The following KAZN variants were observed in gnomAD, a reference collection of about 807,000 sequenced individuals.
KAZN encodes the protein kazrin, periplakin interacting protein.
In KAZN, 40 loss-of-function variants were observed where a neutral mutation model predicts 87.4. That is an observed-to-expected ratio of 0.46 (90% CI 0.36 to 0.60). KAZN has a LOEUF of 0.60. KAZN is among the 20% of genes least tolerant of loss of function. KAZN has a pLI of 0.00. For missense variants in KAZN, 898 were observed against 1,073.9 expected, an observed-to-expected ratio of 0.84 and a Z score of 2.29; for synonymous variants, 466 against 458.3, an observed-to-expected ratio of 1.02 and a Z score of -0.22.
chr1:14,353,601 T>C (rs922667775), intron 2 of KAZN, among the ~76,000 whole-genome samples: 6 of 152,212 alleles, frequency 3.9e-5, no homozygotes, highest in African/African-American at 1.4e-4. Flanking sequence ...CAATGTCACA[T>C]GCTATAAAGT....
chr1:14,662,780 ACTT>A (rs914907800), intron 1 of KAZN, among the ~76,000 whole-genome samples: 6 of 151,000 alleles, frequency 4.0e-5, no homozygotes, highest in African/African-American at 1.2e-4. Flanking sequence ...TCTCTCCTAA[ACTT>A]CTCATTTTTC....
chr1:13,910,286 A>G (rs1639602818), intron 1 of KAZN, among the ~76,000 whole-genome samples: 1 of 152,074 alleles, frequency 6.6e-6, no homozygotes, highest in South Asian at 2.1e-4. Context: ...AGGTGAGTGG[A>G]TCACGAGGTC....
intron 1 of KAZN, among the ~76,000 whole-genome samples, chr1:14,662,786 C>T (rs931669994): frequency 4.0e-5 from 6 of 151,252 alleles, no homozygotes; most frequent in African/African-American, 1.2e-4. Flanking sequence ...CTAAACTTCT[C>T]ATTTTTCTAA....
intron 1 of KAZN, among the ~76,000 whole-genome samples, chr1:14,812,077 C>T (rs535002199): frequency 1.3e-5 from 2 of 152,248 alleles, no homozygotes; most frequent in African/African-American, 4.8e-5. Context: ...TTAGAAGGGA[C>T]ACCGAGAGCT....
intron 1 of KAZN, among the ~76,000 whole-genome samples, chr1:14,704,955 T>C (rs1434084860): frequency 1.3e-5 from 2 of 152,238 alleles, no homozygotes; most frequent in African/African-American, 4.8e-5. Flanking sequence ...GTGGACAGTG[T>C]TTATAGCCCC....
chr1:14,696,024 C>G (rs971838650), intron 1 of KAZN, among the ~76,000 whole-genome samples: 13 of 152,292 alleles, frequency 8.5e-5, no homozygotes, highest in African/African-American at 2.4e-4. Flanking sequence ...TTTCCTTTAG[C>G]TACTATATTA....
chr1:13,942,719 G>A (rs1006395091), intron 1 of KAZN, among the ~76,000 whole-genome samples: 26 of 152,090 alleles, frequency 1.7e-4, no homozygotes, highest in South Asian at 6.2e-4. Context: ...AGTTATTTAC[G>A]CATGGACATT....
At chr1:14,022,036 A>G (rs572563408) in intron 1 of KAZN, among the ~76,000 whole-genome samples, 2 of 138,528 alleles carry the variant, frequency 1.4e-5, no homozygotes, top group African/African-American at 2.7e-5. Flanking sequence ...ATAAGCACTG[A>G]TGTCAGCCGG....
intron 2 of KAZN, among the ~76,000 whole-genome samples, chr1:14,457,751 C>T (rs1667641479): frequency 6.6e-6 from 1 of 151,670 alleles, no homozygotes. Flanking sequence ...ATTGCATGTT[C>T]TTTAATTACA....
At chr1:15,055,756 C>G (rs549886237) in intron 4 of KAZN, among the ~76,000 whole-genome samples, 35 of 152,282 alleles carry the variant, frequency 2.3e-4, no homozygotes, top group African/African-American at 8.4e-4. Flanking sequence ...AGTTGTGTGA[C>G]CAGGTGGCCA....
At chr1:14,926,348 C>G (rs1288988157) in intron 1 of KAZN, among the ~76,000 whole-genome samples, 1 of 152,110 alleles carries the variant, frequency 6.6e-6, no homozygotes, top group Non-Finnish European at 1.5e-5. Flanking sequence ...TTTGTGTGTT[C>G]ATCATAATAT....
intron 2 of KAZN, among the ~76,000 whole-genome samples, chr1:14,981,608 C>T (rs926950640): frequency 6.6e-6 from 1 of 152,242 alleles, no homozygotes; most frequent in Non-Finnish European, 1.5e-5. Flanking sequence ...GATGCCTCCT[C>T]CTCCAGGTTG....
intron 2 of KAZN, among the ~76,000 whole-genome samples, chr1:15,004,662 C>T (rs573619494): frequency 4.5e-4 from 69 of 152,316 alleles, no homozygotes; most frequent in African/African-American, 1.6e-3. Flanking sequence ...TGAAGTCAGC[C>T]TCTGGTGAAA....
At chr1:14,721,016 A>G (rs1166479647) in intron 1 of KAZN, among the ~76,000 whole-genome samples, 1 of 152,184 alleles carries the variant, frequency 6.6e-6, no homozygotes, top group African/African-American at 2.4e-5. Context: ...ATACAGAGTC[A>G]GGCATTTCTT....
At chr1:14,059,981 A>G (rs780732086) in intron 1 of KAZN, among the ~76,000 whole-genome samples, 160 of 152,256 alleles carry the variant, frequency 1.1e-3, no homozygotes, top group Non-Finnish European at 2.6e-4. Context: ...ATTCTTTCAG[A>G]CACATTTGGT....
intron 2 of KAZN, among the ~76,000 whole-genome samples, chr1:14,382,565 G>A (rs1299363078): frequency 8.2e-5 from 12 of 146,310 alleles, no homozygotes; most frequent in Admixed American, 6.2e-4. Context: ...GAGAATATGC[G>A]GTGTTTGGTT....
intron 1 of KAZN, among the ~76,000 whole-genome samples, chr1:14,624,080 C>T (rs891847860): frequency 6.6e-6 from 1 of 152,130 alleles, no homozygotes; most frequent in Non-Finnish European, 1.5e-5. Flanking sequence ...TCAAGTCTAC[C>T]ATGACCTTAC....
intron 2 of KAZN, among the ~76,000 whole-genome samples, chr1:14,199,496 A>G (rs1211102840): frequency 6.6e-6 from 1 of 152,148 alleles, no homozygotes; most frequent in African/African-American, 2.4e-5. Context: ...CCCACCCTCC[A>G]AAACTGATCA....
At chr1:15,070,872 G>A (rs1639475196) in intron 8 of KAZN, among the ~76,000 whole-genome samples, 1 of 152,052 alleles carries the variant, frequency 6.6e-6, no homozygotes, top group Admixed American at 6.6e-5. Context: ...AAATATCTCT[G>A]GGTTTTCCCC....
Sources: allele counts gnomAD v4.1 joint callset (sites outside exome capture counted in the v4.1 genomes callset), GRCh38; gene constraint gnomAD v4.1.1; transcripts MANE v1.5; gene names NCBI Gene and HGNC (gene_info 2026-07-23, HGNC 2026-07-21).